NAV3: variants seen among roughly 807,000 people sequenced by gnomAD.
NAV3 encodes neuron navigator 3, also known as pore membrane and/or filament interacting like protein 1.
NAV3 carries 87 observed loss-of-function variants against 244.7 expected under a neutral mutation model. That is an observed-to-expected ratio of 0.36 (90% confidence interval 0.30 to 0.42). The LOEUF is 0.42. Among genes scored for constraint, NAV3 ranks in the 20% least tolerant of loss-of-function variants. The probability of loss-of-function intolerance (pLI) is 1.00; values close to 1 mark genes in which losing one functional copy is unlikely to be tolerated. For missense variants in NAV3, 2,663 were observed against 2,893.3 expected (o/e 0.92, Z 1.83); for synonymous variants, 1,126 against 1,042.2 (o/e 1.08, Z -1.55).
intron 2 of NAV3, among the ~76,000 whole-genome samples, chr12:77,801,121 CA>C (rs1871682939): frequency 6.6e-6 from 1 of 152,044 alleles, no homozygotes; most frequent in African/African-American, 2.4e-5. Flanking sequence ...GTTCCCACAA[CA>C]AAAACCTTAT....
chr12:78,089,286 G>GA (rs1003475669), intron 12 of NAV3, among the ~76,000 whole-genome samples: 3 of 151,950 alleles, frequency 2.0e-5, no homozygotes, highest in African/African-American at 7.2e-5. Flanking sequence ...AAGAAACAAG[G>GA]AAAAAATACA....
At chr12:78,067,484 A>G (rs1318795001) in intron 12 of NAV3, among the ~76,000 whole-genome samples, 1 of 152,004 alleles carries the variant, frequency 6.6e-6, no homozygotes, top group East Asian at 1.9e-4. Context: ...CAGGTTCTGG[A>G]CTTCTCTTCA....
chr12:78,049,660 C>G (rs1243165242), intron 9 of NAV3, among the ~76,000 whole-genome samples: 4 of 152,150 alleles, frequency 2.6e-5, no homozygotes, highest in Admixed American at 2.6e-4. Flanking sequence ...ATTCAGCCAT[C>G]TTTCTCAGGT....
chr12:77,776,688 A>G (rs1273502019), intron 2 of NAV3, among the ~76,000 whole-genome samples: 4 of 152,180 alleles, frequency 2.6e-5, no homozygotes, highest in African/African-American at 9.6e-5. Flanking sequence ...ATCTAAACAA[A>G]TTAGAGAGTT....
chr12:77,838,472 A>G (rs1875045655), intron 1 of NAV3, among the ~76,000 whole-genome samples: 1 of 152,206 alleles, frequency 6.6e-6, no homozygotes. Flanking sequence ...AATGTTGCTG[A>G]AAATTTCATA....
chr12:78,113,386 G>A (rs300437), intron 12 of NAV3, among the ~76,000 whole-genome samples: 1 of 152,134 alleles, frequency 6.6e-6, no homozygotes, highest in East Asian at 1.9e-4. Flanking sequence ...GGGCTCCACC[G>A]CTGCAGCAAA....
At chr12:77,963,744 G>A (rs912423585) in intron 3 of NAV3, among the ~76,000 whole-genome samples, 2 of 152,108 alleles carry the variant, frequency 1.3e-5, no homozygotes, top group Non-Finnish European at 2.9e-5. Flanking sequence ...TAAAAGAATA[G>A]TAAAAATGGT....
intron 2 of NAV3, among the ~76,000 whole-genome samples, chr12:77,804,152 A>G (rs141903544): frequency 5.3e-5 from 8 of 152,040 alleles, no homozygotes; most frequent in Non-Finnish European, 8.8e-5. Context: ...AAGCACTTTA[A>G]TTGGGTCCCA....
At chr12:78,185,538 A>G (rs1185315153) in intron 30 of NAV3, 63 bp from the exon 31 acceptor site, 2 of 1,368,792 alleles carry the variant, frequency 1.5e-6, no homozygotes, top group East Asian at 4.8e-5. Context: ...GAAAAGAATG[A>G]CAGTAAACAA....
intron 2 of NAV3, among the ~76,000 whole-genome samples, chr12:77,824,894 AAAC>A (rs149054152): frequency 0.53 from 79,452 of 150,306 alleles, 21,561 homozygotes; most frequent in African/African-American, 0.61. Flanking sequence ...TCCGTCTCAA[AAAC>A]AACAACAACA....
At chr12:77,761,274 C>T (rs11106590) in intron 2 of NAV3, among the ~76,000 whole-genome samples, 22,839 of 152,074 alleles carry the variant, frequency 0.15, 2,063 homozygotes, top group Non-Finnish European at 0.2. Context: ...GTTGGCCAGG[C>T]TGGTGGCCTC....
At chr12:77,935,338 C>T (rs1287553143) in intron 1 of NAV3, among the ~76,000 whole-genome samples, 1 of 151,984 alleles carries the variant, frequency 6.6e-6, no homozygotes, top group African/African-American at 2.4e-5. Flanking sequence ...ATATATGTTG[C>T]CTTCTATTTC....
intron 19 of NAV3, among the ~76,000 whole-genome samples, chr12:78,138,884 G>A (rs1423041909): frequency 2.0e-5 from 3 of 152,216 alleles, no homozygotes; most frequent in East Asian, 1.9e-4. Flanking sequence ...CTTAAATGGC[G>A]ATCTAGATTC....
intron 1 of NAV3, among the ~76,000 whole-genome samples, chr12:77,900,662 G>T (rs1885181793): frequency 6.6e-6 from 1 of 152,048 alleles, no homozygotes; most frequent in Admixed American, 6.6e-5. Flanking sequence ...TGTGAATAGT[G>T]CTGCGATTAA....
In NAV3 at chr12:78,118,309, G is replaced by C. The variant is rs1275023424; in HGVS notation, c.3040+12G>C. The stretch of plus-strand genomic sequence containing the variant: ...ACTCAAAACACCCGGTAGGCTTGTC[G>C]TTTGCCAGCTGTTATGCAAAAGTGC... On this transcript the variant is annotated intron_variant, in intron 14 of 39. Coordinates refer to ENST00000397909, the MANE Select transcript of NAV3 (RefSeq NM_001024383.2). The C allele has an allele frequency of 6.3e-7, 1 of 1,579,398 alleles. No individual in the cohort carries two copies. The highest frequency in any genetic ancestry group is 8.6e-7 in the Non-Finnish European group (1 of 1,159,942).
chr12:78,183,389 A>T (rs1172743210), intron 30 of NAV3, among the ~76,000 whole-genome samples: 1 of 151,920 alleles, frequency 6.6e-6, no homozygotes, highest in East Asian at 1.9e-4. Context: ...GAAGTGCTTT[A>T]AAAGTATTAT....
At chr12:77,996,332 G>A (rs1468231825) in intron 6 of NAV3, among the ~76,000 whole-genome samples, 2 of 152,082 alleles carry the variant, frequency 1.3e-5, no homozygotes, top group Admixed American at 1.3e-4. Flanking sequence ...AGCATCTGTC[G>A]TTATTATGCT....
chr12:78,196,436 C>A (rs1301267222), intron 34 of NAV3, among the ~76,000 whole-genome samples: 1 of 151,900 alleles, frequency 6.6e-6, no homozygotes, highest in Non-Finnish European at 1.5e-5. Flanking sequence ...TTTTATAACC[C>A]TGAGCACGAT....
At chr12:77,866,851 A>G (rs1190445952) in intron 1 of NAV3, among the ~76,000 whole-genome samples, 2 of 152,214 alleles carry the variant, frequency 1.3e-5, no homozygotes, top group African/African-American at 4.8e-5. Flanking sequence ...CCTAATGAAA[A>G]TAAATTTTTG....
Sources: gnomAD v4.1 joint callset for allele counts (sites outside exome capture counted in the v4.1 genomes callset) on GRCh38, gnomAD v4.1.1 for gene constraint, MANE v1.5 for transcripts, NCBI Gene and HGNC (gene_info 2026-07-23, HGNC 2026-07-21) for gene names.